COCH: variants seen among roughly 807,000 people sequenced by gnomAD.
COCH encodes the protein cochlin.
COCH carries 40 observed loss-of-function variants against 54.8 expected under a neutral mutation model. The ratio of observed to expected loss-of-function variants is 0.73; its 90% CI spans 0.57 to 0.95. The LOEUF (loss-of-function observed/expected upper bound fraction) is 0.95, where lower values mean the gene tolerates loss of function less well. Among genes scored for constraint, COCH ranks in the 40% least tolerant of loss-of-function variants. COCH has a pLI of 0.00. For synonymous variants in COCH, 256 were observed against 237.9 expected, an observed-to-expected ratio of 1.08 and a Z score of -0.70; for missense variants, 605 against 675.0, an observed-to-expected ratio of 0.90 and a Z score of 1.15.
At chr14:30,895,468 C>T (rs1391353469), downstream of COCH, 16 of 1,613,788 alleles carry the variant, frequency 9.9e-6, no homozygotes, top group Middle Eastern at 1.6e-4. Flanking sequence ...ATGCTTTTGA[C>T]GAGTGGAAAG....
chr14:30,894,728 G>C (rs911372137), downstream of COCH: 4 of 185,700 alleles, frequency 2.2e-5, no homozygotes, highest in Non-Finnish European at 4.5e-5. Context: ...CAACGGGTCA[G>C]TGAGATCTCT....
Position 30,886,137 on chromosome 14 carries a change from C to T in COCH, c.1302C>T (p.Ile434=). 6.2e-7 allele frequency: 1 copy of T among 1,612,740 alleles called. No homozygotes were observed. The highest frequency in any genetic ancestry group is 8.5e-7 in the Non-Finnish European group (1 of 1,178,772). Residue 434 remains isoleucine (I), a synonymous_variant, in exon 11 of 12, where the codon ATC becomes ATT. Transcript: ENST00000396618. ...YSTKENVLAV[I]RNIRYMSGGT... ...CCAAAGAGAATGTCCTAGCTGTCAT[C>T]AGAAACATCCGCTATATGAGTGGTG...
In COCH at chr14:30,877,581, C is replaced by A. The variant is rs760735679; in HGVS notation, c.92C>A (p.Ala31Asp). 6 of 1,614,200 alleles carry A rather than the reference C, an allele frequency of 3.7e-6. No homozygotes were observed. Among genetic ancestry groups the A allele is most frequent in the Non-Finnish European group, 5.1e-6 (6 of 1,180,044 alleles). Reference protein sequence around the residue: ...PAGSEGAAPIAITCFTRGLDI... With the variant: ...PAGSEGAAPIDITCFTRGLDI... Reference sequence around the variant, plus strand: ...TCTCCTTTTTCTTCAGCTCCCATTGCTATCACATGTTTTACCAGAGGCTTG... The same window carrying A: ...TCTCCTTTTTCTTCAGCTCCCATTGATATCACATGTTTTACCAGAGGCTTG... Residue 31 changes from alanine (A) to aspartate (D), a missense_variant, in exon 4 of 12, where the codon GCT becomes GAT. Transcript: ENST00000396618. This position sits in a 1 kb window ranked among gnomAD's most constrained non-coding sequence, Gnocchi z 8.6.
At chr14:30,876,891 C>T (rs12432528) in intron 3 of COCH, among the ~76,000 whole-genome samples, 59,267 of 151,816 alleles carry the variant, frequency 0.39, 12,081 homozygotes, top group Admixed American at 0.55. Flanking sequence ...CTTGAACTCC[C>T]GGGCTCAAGC....
Position 30,879,454 on chromosome 14 carries a change from ACAAG to A in COCH, c.408_411del (p.Ala137CysfsTer12), listed in dbSNP as rs758761384. On this transcript the variant is annotated frameshift_variant, in exon 6 of 12. Transcript: ENST00000396618. LOFTEE classifies it high-confidence loss of function. ...AAAGTAGTACACAGGAGGCCACAGGACAAGCAGTGTCCACAGCACATCCACCAAC... is the reference window on the plus strand; with the variant it reads ...AAAGTAGTACACAGGAGGCCACAGGACAGTGTCCACAGCACATCCACCAAC... 1 of 1,613,984 alleles carries A rather than the reference ACAAG, an allele frequency of 6.2e-7. No homozygotes were observed. Among genetic ancestry groups the A allele is most frequent in the African/African-American group, 1.3e-5 (1 of 74,900 alleles).
intron 8 of COCH, among the ~76,000 whole-genome samples, chr14:30,881,304 A>G (rs927313319): frequency 3.9e-5 from 6 of 152,138 alleles, no homozygotes; most frequent in Non-Finnish European, 8.8e-5. Flanking sequence ...TAGTGGGTAC[A>G]TGTCAGTTCA....
chr14:30,876,987 T>A lies in COCH; in HGVS notation c.83-585T>A, dbSNP rs895483042. On this transcript the variant is annotated intron_variant, in intron 3 of 11. Coordinates refer to ENST00000396618, the MANE Select transcript of COCH (RefSeq NM_004086.3). ...CCATTTAAAAAAAATTTTTTTTTTT[T>A]AGAAGAGATGAGGTCTTGCTATGTT... Among the ~76,000 whole-genome samples the A allele has an allele frequency of 9.2e-5, 14 of 152,034 alleles. No individual in the cohort carries two copies. In the South Asian group the frequency reaches 1.7e-3, roughly 18 times the overall value.
chr14:30,885,249 C>T, intron 9 of COCH, 145 bp from the exon 10 acceptor site: 1 of 937,792 alleles, frequency 1.1e-6, no homozygotes, highest in Non-Finnish European at 1.6e-6. Flanking sequence ...GAACTGGGTT[C>T]TATATAATTC....
At chr14:30,874,816 C>A in intron 1 of COCH, 100 bp from the exon 2 acceptor site, 1 of 1,170,248 alleles carries the variant, frequency 8.5e-7, no homozygotes, top group Non-Finnish European at 1.3e-6. Flanking sequence ...CCTCTCTCCT[C>A]TGCGCCGCGC....
chr14:30,891,436 A>G (rs886379743), downstream of COCH, among the ~76,000 whole-genome samples: 6 of 152,238 alleles, frequency 3.9e-5, no homozygotes, highest in Non-Finnish European at 5.9e-5. Flanking sequence ...TATACCCTGC[A>G]TAAGAGGAAT....
chr14:30,875,836 G>C (rs970923349), intron 3 of COCH: 1 of 152,382 alleles, frequency 6.6e-6, no homozygotes, highest in Non-Finnish European at 1.5e-5. Flanking sequence ...AACTAAAGGC[G>C]GTCGGTCTTG....
chr14:30,874,849 G>A, intron 1 of COCH, 67 bp from the exon 2 acceptor site: 1 of 1,450,400 alleles, frequency 6.9e-7, no homozygotes, highest in Non-Finnish European at 9.7e-7. Flanking sequence ...AGGGTGCGGG[G>A]CTCTGAGGAG....
chr14:30,884,967 C>T, intron 9 of COCH: 1 of 1,598,192 alleles, frequency 6.3e-7, no homozygotes. Flanking sequence ...AATCAACAGA[C>T]TTATCTAATG....
intron 8 of COCH, among the ~76,000 whole-genome samples, chr14:30,881,969 A>C (rs1270798076): frequency 7.2e-6 from 1 of 138,416 alleles, no homozygotes; most frequent in Non-Finnish European, 1.5e-5. Context: ...GTTTCAAAAA[A>C]TAAAAATAAA....
At chr14:30,887,007 C>A (rs1458180471) in intron 11 of COCH, among the ~76,000 whole-genome samples, 1 of 152,188 alleles carries the variant, frequency 6.6e-6, no homozygotes, top group Non-Finnish European at 1.5e-5. Context: ...CAGGCATAAG[C>A]CACCACACCC....
intron 11 of COCH, among the ~76,000 whole-genome samples, chr14:30,886,727 A>G (rs761615324): frequency 2.4e-4 from 36 of 152,116 alleles, no homozygotes; most frequent in Admixed American, 1.3e-3. Context: ...ATTTATCCTA[A>G]CTTTCTTGTG....
In COCH at chr14:30,888,967, C is replaced by T. The variant is rs115733891; in HGVS notation, c.1478-649C>T. On this transcript the variant is annotated intron_variant, in intron 11 of 11. Transcript: ENST00000396618. ...AGAAATTACTCCAGTTTCATAAGAT[C>T]CCTCTTGGGCAGTACTTTTTAGTCA... Among the ~76,000 whole-genome samples, 500 of 152,158 alleles carry T rather than the reference C, an allele frequency of 3.3e-3. 9 individuals are homozygous for T. The highest frequency in any genetic ancestry group is 0.012 in the African/African-American group (478 of 41,508).
downstream of COCH, chr14:30,895,002 TC>T: frequency 1.8e-6 from 1 of 553,734 alleles, no homozygotes; most frequent in Non-Finnish European, 2.4e-6. Context: ...GGAGCTCACT[TC>T]CCCCAACAAG....
In COCH at chr14:30,875,337, A is replaced by G. The variant is rs1002798097; in HGVS notation, c.82+234A>G. 121 of 630,264 alleles carry G rather than the reference A, an allele frequency of 1.9e-4. No individual in the cohort carries two copies. In the Middle Eastern group the frequency reaches 2.1e-3, roughly 11 times the overall value. 39.0% of individuals were successfully genotyped at this position (630,264 alleles called of 1,614,324 possible). ...GGGGTCCAGTGGGGGGACGTTCTCC[A>G]AGAGCACTAGGAAGAAGGCCTCCTC... On this transcript the variant is annotated intron_variant, in intron 3 of 11. Coordinates refer to ENST00000396618, the MANE Select transcript of COCH (RefSeq NM_004086.3).
Sources: allele counts gnomAD v4.1 joint callset (sites outside exome capture counted in the v4.1 genomes callset), GRCh38; gene constraint gnomAD v4.1.1; non-coding constraint Gnocchi (gnomAD v3.1); transcripts MANE v1.5; gene names NCBI Gene and HGNC (gene_info 2026-07-23, HGNC 2026-07-21).